The following UGT2B28 variants were observed in gnomAD, a reference collection of about 807,000 sequenced individuals.
UGT2B28 encodes UDP glucuronosyltransferase family 2 member B28.
Under a neutral mutation model 43.6 loss-of-function variants are expected in UGT2B28, and 45 were observed. The observed-to-expected ratio is 1.03, with a 90% CI of 0.81 to 1.32. The LOEUF (loss-of-function observed/expected upper bound fraction) is 1.32, where lower values mean the gene tolerates loss of function less well. Ranked by LOEUF, UGT2B28 falls within the 40% of genes most tolerant of loss-of-function variation. UGT2B28 has a pLI of 0.00. For synonymous variants in UGT2B28, 204 were observed against 208.1 expected (o/e 0.98, Z 0.17); for missense variants, 649 against 625.5 (o/e 1.04, Z -0.40).
At chr4:69,287,424 C>G (rs1723811390) in intron 3 of UGT2B28, among the ~76,000 whole-genome samples, 2 of 140,716 alleles carry the variant, frequency 1.4e-5, no homozygotes, top group Non-Finnish European at 3.0e-5. Flanking sequence ...TGGACCACCT[C>G]TATTACTTAT....
intron 1 of UGT2B28, among the ~76,000 whole-genome samples, chr4:69,281,464 G>C (rs926763116): frequency 7.1e-6 from 1 of 140,362 alleles, no homozygotes; most frequent in Non-Finnish European, 1.5e-5. Flanking sequence ...CTATATATTA[G>C]TACACCTAAG....
intron 2 of UGT2B28, among the ~76,000 whole-genome samples, chr4:69,286,529 A>G (rs563782223): frequency 7.1e-6 from 1 of 140,410 alleles, no homozygotes; most frequent in Non-Finnish European, 1.5e-5. Flanking sequence ...GCAGACACAT[A>G]CCTACATAAA....
rs1240065953 is a variant in UGT2B28 at position 69,289,256 on chromosome 4, T to G, written c.1003-409T>G. Among the ~76,000 whole-genome samples the G allele has an allele frequency of 1.2e-4, 17 of 139,996 alleles. 3 individuals carry two copies. Among genetic ancestry groups the G allele is most frequent in the African/African-American group, 4.8e-4 (17 of 35,774 alleles). 91.8% of individuals were successfully genotyped at this position (139,996 alleles called of 152,430 possible). On this transcript the variant is annotated intron_variant, in intron 3 of 5. Transcript: ENST00000335568. ...ATACAATCTCGCCAACATCATGATA[T>G]TTTTTGAATTTTTAATAATGGCCAT... is the stretch of plus-strand genomic sequence containing the variant.
rs1723967942 is a variant in UGT2B28 at position 69,291,977 on chromosome 4, G to A, written c.1310+1166G>A. 1.4e-5 allele frequency among the ~76,000 whole-genome samples: 2 copies of A among 140,060 alleles called. 1 individual carries two copies. The highest frequency in any genetic ancestry group is 5.6e-5 in the African/African-American group (2 of 35,832). The allele number at this position is 140,060 out of a possible 152,430, so 91.9% of individuals were successfully genotyped here. On this transcript the variant is annotated intron_variant, in intron 5 of 5. Transcript: ENST00000335568. ...TTTTCATTACTGCTGAAGATGTTGA[G>A]AACATTTATAAGTGCTTATTGATCA...
Position 69,295,013 on chromosome 4 carries a change from A to G in UGT2B28, c.*204A>G, listed in dbSNP as rs918304943. The G allele has an allele frequency of 1.9e-5, 11 of 576,864 alleles. No individual in the cohort carries two copies. The highest frequency in any genetic ancestry group is 2.8e-5 in the Non-Finnish European group (11 of 398,252). The allele number at this position is 576,864 out of a possible 1,614,324, so 35.7% of individuals were successfully genotyped here. ...GGTTAGAAATATTCTGTGGCAATGA[A>G]GAAAACACTAGGGAAAATAAAAAAT... is the stretch of plus-strand genomic sequence containing the variant. On this transcript the variant is annotated 3_prime_UTR_variant, in exon 6 of 6. Transcript: ENST00000335568.
At position 69,285,363 on chromosome 4, in the gene UGT2B28, T is replaced by A. The variant is rs990574847; in HGVS notation, c.871-1389T>A. On this transcript the variant is annotated intron_variant, in intron 2 of 5. Coordinates refer to ENST00000335568, the MANE Select transcript of UGT2B28 (RefSeq NM_053039.2). Reference sequence around the variant, plus strand: ...TGTATTATTTTTATAATATTATCACTAAAGGAGCAACAACCCGTCAATATC... The same window carrying A: ...TGTATTATTTTTATAATATTATCACAAAAGGAGCAACAACCCGTCAATATC... 1.1e-4 allele frequency among the ~76,000 whole-genome samples: 15 copies of A among 140,234 alleles called. 3 individuals are homozygous for A. The highest frequency in any genetic ancestry group is 8.6e-4 in the Admixed American group (12 of 13,962). The allele number at this position is 140,234 out of a possible 152,430, so 92.0% of individuals were successfully genotyped here. A position where few individuals can be genotyped will look rare whatever the true frequency, so the allele number is the denominator to read the frequency against.
In UGT2B28 at chr4:69,285,459, C is replaced by T. The variant is rs1206027716; in HGVS notation, c.871-1293C>T. ...AGAAAAACAAGGCTCTGATATCAAG[C>T]CAGTGAGATGAAACACTGAAAACGA... On this transcript the variant is annotated intron_variant, in intron 2 of 5. Transcript: ENST00000335568. 1.4e-4 allele frequency among the ~76,000 whole-genome samples: 19 copies of T among 139,018 alleles called. 2 individuals are homozygous for T. Among genetic ancestry groups the T allele is most frequent in the Non-Finnish European group, 2.7e-4 (18 of 65,468 alleles). 91.2% of individuals were successfully genotyped at this position (139,018 alleles called of 152,430 possible). A position where few individuals can be genotyped will look rare whatever the true frequency, so the allele number is the denominator to read the frequency against.
intron 2 of UGT2B28, among the ~76,000 whole-genome samples, chr4:69,285,892 C>T (rs1466412605): frequency 7.1e-6 from 1 of 140,970 alleles, no homozygotes; most frequent in Non-Finnish European, 1.5e-5. Context: ...GCCAGTGCTG[C>T]CTCTGAGACA....
In UGT2B28 at chr4:69,283,822, T is replaced by G. The variant is rs539403312; in HGVS notation, c.870+1160T>G. Among the ~76,000 whole-genome samples the G allele has an allele frequency of 2.4e-4, 34 of 140,622 alleles. 4 individuals carry two copies. The South Asian group carries it at 2.6e-3, about 11-fold the overall frequency. The allele number at this position is 140,622 out of a possible 152,430, so 92.3% of individuals were successfully genotyped here. A position where few individuals can be genotyped will look rare whatever the true frequency, so the allele number is the denominator to read the frequency against. ...GGTTATATTCTCTTGCAAAGTCATA[T>G]ATGACAGATACCCTGTGGACTTGAT... On this transcript the variant is annotated intron_variant, in intron 2 of 5. Transcript: ENST00000335568.
In UGT2B28 at chr4:69,286,840, G is replaced by C. The variant is rs1723790411; in HGVS notation, c.959G>C (p.Arg320Thr). 6 of 1,556,486 alleles carry C rather than the reference G, an allele frequency of 3.9e-6. No homozygotes were observed. Among genetic ancestry groups the C allele is most frequent in the Non-Finnish European group, 5.2e-6 (6 of 1,154,346 alleles). ...GSVISNMTAE[R>T]ANVIATALAK... The stretch of plus-strand genomic sequence containing the variant: ...GTGATAAGTAACATGACAGCAGAAA[G>C]GGCCAACGTAATTGCAACAGCCCTT... The change falls in exon 3 of 6, where the codon AGG becomes ACG. Residue 320 changes from arginine to threonine, a missense_variant. By Grantham distance (71) the Arg-to-Thr change is moderately conservative (BLOSUM62 -1). Transcript: ENST00000335568.
Position 69,285,120 on chromosome 4 carries a change from A to G in UGT2B28, c.871-1632A>G, listed in dbSNP as rs1030272573. 3.4e-4 allele frequency among the ~76,000 whole-genome samples: 48 copies of G among 139,908 alleles called. 8 individuals are homozygous for G. Among genetic ancestry groups the G allele is most frequent in the Non-Finnish European group, 6.1e-4 (40 of 65,712 alleles). The allele number at this position is 139,908 out of a possible 152,430, so 91.8% of individuals were successfully genotyped here. A position where few individuals can be genotyped will look rare whatever the true frequency, so the allele number is the denominator to read the frequency against. On this transcript the variant is annotated intron_variant, in intron 2 of 5. Transcript: ENST00000335568. ...TAATATGAGTTAGAAAATGATAAAT[A>G]TAACAAGATGGAAGTTTTTGCAGGA...
rs763171536 is a variant in UGT2B28 at position 69,287,695 on chromosome 4, G to A, written c.1002+812G>A. The stretch of plus-strand genomic sequence containing the variant: ...AGTGGAGGCAGCAGTAGGAAATATA[G>A]GAAGGAGTCAAACAGAAGGAAGCCA... On this transcript the variant is annotated intron_variant, in intron 3 of 5. Transcript: ENST00000335568. Among the ~76,000 whole-genome samples, 66 of 139,692 alleles carry A rather than the reference G, an allele frequency of 4.7e-4. 8 individuals carry two copies. Among genetic ancestry groups the A allele is most frequent in the Non-Finnish European group, 1.8e-4 (12 of 65,672 alleles). 91.6% of individuals were successfully genotyped at this position (139,692 alleles called of 152,430 possible). A position where few individuals can be genotyped will look rare whatever the true frequency, so the allele number is the denominator to read the frequency against.
intron 2 of UGT2B28, 84 bp downstream of exon 2, chr4:69,282,746 A>G (rs1723655038): frequency 1.4e-6 from 2 of 1,479,580 alleles, no homozygotes; most frequent in Non-Finnish European, 1.8e-6. Flanking sequence ...AAAATGTTTG[A>G]CTTACACTGA....
At chr4:69,290,414 C>T (rs1373569479) in intron 4 of UGT2B28, among the ~76,000 whole-genome samples, 178 bp from the exon 5 acceptor site, 1 of 140,406 alleles carries the variant, frequency 7.1e-6, no homozygotes. Flanking sequence ...GTTATGCACA[C>T]CACGGAGACT....
rs1320897520 is a variant in UGT2B28, at chr4:69,281,372, C to T, written c.721+151C>T. On this transcript the variant is annotated intron_variant, in intron 1 of 5. Transcript: ENST00000335568. ...CAAGATGATCTATCAATCTCACAAA[C>T]ATTATAGAAAAGCTTAAATTATAAG... is the stretch of plus-strand genomic sequence containing the variant. 1.9e-6 allele frequency: 2 copies of T among 1,050,670 alleles called. 1 individual carries two copies. Among genetic ancestry groups the T allele is most frequent in the Admixed American group, 6.8e-5 (2 of 29,486 alleles). The allele number at this position is 1,050,670 out of a possible 1,614,324, so 65.1% of individuals were successfully genotyped here.
intron 2 of UGT2B28, among the ~76,000 whole-genome samples, chr4:69,285,769 T>G (rs1204521113): frequency 7.1e-6 from 1 of 140,856 alleles, no homozygotes; most frequent in Admixed American, 7.1e-5. Flanking sequence ...TAATTCTCAA[T>G]CAATTGCAGC....
chr4:69,281,555 C>A (rs1159718862), intron 1 of UGT2B28, among the ~76,000 whole-genome samples: 1 of 140,846 alleles, frequency 7.1e-6, no homozygotes, highest in Non-Finnish European at 1.5e-5. Context: ...TAACATCTTA[C>A]TGAATGCATA....
At chr4:69,289,569 C>G in intron 3 of UGT2B28, 96 bp from the exon 4 acceptor site, 1 of 1,100,698 alleles carries the variant, frequency 9.1e-7, no homozygotes, top group Non-Finnish European at 1.2e-6. Context: ...TATTTACTAA[C>G]ATCCCTTGAT....
chr4:69,284,497 T>C (rs1401509620), intron 2 of UGT2B28, among the ~76,000 whole-genome samples: 2 of 140,276 alleles, frequency 1.4e-5, no homozygotes, highest in Admixed American at 7.2e-5. Context: ...ATATAGTCAC[T>C]TTCTCAAGAG....
Sources: gnomAD v4.1 joint callset for allele counts (sites outside exome capture counted in the v4.1 genomes callset) on GRCh38, gnomAD v4.1.1 for gene constraint, MANE v1.5 for transcripts, NCBI Gene and HGNC (gene_info 2026-07-23, HGNC 2026-07-21) for gene names.